Variants in PI4K2B observed in about 807,000 individuals in gnomAD.
PI4K2B encodes phosphatidylinositol 4-kinase type 2-beta.
Under a neutral mutation model 56.6 loss-of-function variants are expected in PI4K2B, and 46 were observed. That is an observed-to-expected ratio of 0.81 (90% CI 0.64 to 1.04). The LOEUF (loss-of-function observed/expected upper bound fraction) is 1.04. PI4K2B is among the 50% of genes least tolerant of loss of function. The pLI, the probability that PI4K2B is intolerant of heterozygous loss-of-function variation, is 0.00. For missense variants in PI4K2B, 556 were observed against 607.7 expected, an observed-to-expected ratio of 0.91 and a Z score of 0.89; for synonymous variants, 211 against 223.8, an observed-to-expected ratio of 0.94 and a Z score of 0.51.
intron 6 of PI4K2B, among the ~76,000 whole-genome samples, chr4:25,262,779 G>C (rs891224155): frequency 6.6e-5 from 10 of 152,148 alleles, no homozygotes; most frequent in African/African-American, 2.4e-4. Context: ...AAAGATAGTT[G>C]AGCTTGATAA....
chr4:25,276,683 G>A (rs1717107300), intron 9 of PI4K2B: 1 of 984,632 alleles, frequency 1.0e-6, no homozygotes, highest in African/African-American at 1.7e-5. Context: ...ATGTTAAATT[G>A]AATATGTATG....
At chr4:25,246,663 ATGGAGCAGAGGG>A (rs1163023352) in intron 1 of PI4K2B, among the ~76,000 whole-genome samples, 1 of 152,200 alleles carries the variant, frequency 6.6e-6, no homozygotes, top group Non-Finnish European at 1.5e-5. Flanking sequence ...ACCAGGCACC[ATGGAGCAGAGGG>A]TGGTGCTTGT....
chr4:25,234,807 C>T (rs1176196840), intron 1 of PI4K2B, among the ~76,000 whole-genome samples: 1 of 152,164 alleles, frequency 6.6e-6, no homozygotes, highest in Non-Finnish European at 1.5e-5. Flanking sequence ...CAGGAAAGTT[C>T]CCGGAGTGGT....
chr4:25,255,398 G>GTGAC (rs1395022232), intron 3 of PI4K2B, 133 bp downstream of exon 3: 1 of 681,818 alleles, frequency 1.5e-6, no homozygotes, highest in Non-Finnish European at 2.5e-6. Context: ...AGAGTCATGA[G>GTGAC]TGACTGGTAA....
chr4:25,271,420 A>G (rs980024745), intron 9 of PI4K2B, among the ~76,000 whole-genome samples: 1 of 152,192 alleles, frequency 6.6e-6, no homozygotes, highest in African/African-American at 2.4e-5. Flanking sequence ...CAGCAAAAAT[A>G]TTTATATCCC....
At chr4:25,268,884 C>CTTT (rs1183209499) in intron 8 of PI4K2B, among the ~76,000 whole-genome samples, 3 of 152,172 alleles carry the variant, frequency 2.0e-5, no homozygotes, top group African/African-American at 7.2e-5. Flanking sequence ...TTTTAGTTCT[C>CTTT]TTAAAAAGCC....
intron 1 of PI4K2B, among the ~76,000 whole-genome samples, chr4:25,241,251 T>C (rs182566225): frequency 6.6e-6 from 1 of 152,378 alleles, no homozygotes; most frequent in East Asian, 1.9e-4. Context: ...CCACTAGTTC[T>C]GCTAACTGGA....
At chr4:25,263,956 G>A in intron 7 of PI4K2B, 107 bp downstream of exon 7, 4 of 576,102 alleles carry the variant, frequency 6.9e-6, no homozygotes. Context: ...GATGAAATAT[G>A]ATTATTCATT....
intron 9 of PI4K2B, among the ~76,000 whole-genome samples, chr4:25,274,858 C>T (rs528575576): frequency 3.9e-5 from 6 of 152,258 alleles, no homozygotes; most frequent in East Asian, 1.9e-4. Context: ...TGCAGTGGCG[C>T]GATCTCAGCT....
rs533544057 is a variant in PI4K2B, at chr4:25,260,610, T to TTATA, written c.978+48_978+51dup. 7.2e-3 allele frequency: 2,220 copies of TTATA among 306,244 alleles called. 18 individuals carry two copies. The highest frequency in any genetic ancestry group is 0.013 in the African/African-American group (508 of 40,180). 19.0% of individuals were successfully genotyped at this position (306,244 alleles called of 1,614,324 possible). On this transcript the variant is annotated intron_variant, in intron 6 of 9. Transcript: ENST00000264864. ...CCATAAGGTAAGGAAATTTACAATT[T>TTATA]TATATATATATATATATATATATAT...
chr4:25,249,413 C>G (rs1275838781), intron 1 of PI4K2B, among the ~76,000 whole-genome samples: 2 of 37,178 alleles, frequency 5.4e-5, no homozygotes, highest in African/African-American at 1.4e-4. Context: ...CTCCACCCCC[C>G]GGACAGGGCG....
chr4:25,248,588 A>G (rs1339222618), intron 1 of PI4K2B, among the ~76,000 whole-genome samples: 3 of 120,842 alleles, frequency 2.5e-5, no homozygotes, highest in African/African-American at 8.6e-5. Flanking sequence ...AAAGAGTGAC[A>G]TGATGTATGG....
At chr4:25,256,790 C>G (rs1403445734) in intron 4 of PI4K2B, 116 bp downstream of exon 4, 3 of 951,502 alleles carry the variant, frequency 3.2e-6, no homozygotes, top group South Asian at 3.3e-5. Context: ...TTTTCATCTT[C>G]CAGGAGCTTA....
At chr4:25,259,342 T>C (rs1716369441) in intron 5 of PI4K2B, 152 bp downstream of exon 5, 1 of 585,304 alleles carries the variant, frequency 1.7e-6, no homozygotes, top group East Asian at 2.8e-5. Context: ...TTGACTCTCC[T>C]GGGCAGAATT....
intron 1 of PI4K2B, among the ~76,000 whole-genome samples, chr4:25,238,176 A>C (rs548422473): frequency 2.0e-5 from 3 of 152,246 alleles, no homozygotes; most frequent in African/African-American, 4.8e-5. Context: ...TGCTTGATGC[A>C]GGCAACCCAC....
Position 25,260,577 on chromosome 4 carries a change from G to T in PI4K2B, c.964G>T (p.Glu322Ter). 7.7e-7 allele frequency: 1 copy of T among 1,295,650 alleles called. No homozygotes were observed. The highest frequency in any genetic ancestry group is 1.8e-5 in the South Asian group (1 of 54,148). 80.3% of individuals were successfully genotyped at this position (1,295,650 alleles called of 1,614,324 possible). A position where few individuals can be genotyped will look rare whatever the true frequency, so the allele number is the denominator to read the frequency against. ...ATACGAAAAGCAGAAATGTGAAAAG[G>T]AAATTGACCATAAGGTAAGGAAATT... The part of the protein sequence containing the change: ...VRYEKQKCEK[E>*]IDHKESKWID... Residue 322 changes from glutamate to a stop codon, truncating the protein, a stop_gained, in exon 6 of 10, where the codon GAA (glutamate) becomes TAA (stop). Coordinates refer to ENST00000264864, the MANE Select transcript of PI4K2B (RefSeq NM_018323.4). LOFTEE classifies it high-confidence loss of function.
intron 1 of PI4K2B, among the ~76,000 whole-genome samples, chr4:25,248,523 G>A (rs889603778): frequency 5.3e-5 from 8 of 151,956 alleles, no homozygotes; most frequent in African/African-American, 1.9e-4. Context: ...GGTCTTGGGG[G>A]TCATAATGAT....
rs764784794 is a variant in PI4K2B, at chr4:25,234,181, G to A, written c.18G>A (p.Glu6=). 8.6e-6 allele frequency: 12 copies of A among 1,401,570 alleles called. No homozygotes were observed. The highest frequency in any genetic ancestry group is 1.6e-5 in the South Asian group (1 of 63,410). The allele number at this position is 1,401,570 out of a possible 1,614,324, so 86.8% of individuals were successfully genotyped here. The change falls in exon 1 of 10, where the codon GAG becomes GAA. Residue 6 remains glutamate (E), a synonymous_variant. Coordinates refer to ENST00000264864, the MANE Select transcript of PI4K2B (RefSeq NM_018323.4). ...GGGAGTCCATGGAGGATCCCTCCGA[G>A]CCCGACCGGTTGGCGTCCGCGGACG... MEDPS[E]PDRLASADGG... is the part of the protein sequence containing the mutation.
chr4:25,263,387 G>A lies in PI4K2B; in HGVS notation c.979-363G>A, dbSNP rs1053513308. 1.3e-3 allele frequency among the ~76,000 whole-genome samples: 205 copies of A among 152,198 alleles called. 3 individuals are homozygous for A. The highest frequency in any genetic ancestry group is 2.1e-4 in the Non-Finnish European group (14 of 68,002). Reference sequence around the variant, plus strand: ...GTCTTAATAAGGTGATTATTAAGGTGTTTAAAAAAATTAGTAATATTTTAC... The same window carrying A: ...GTCTTAATAAGGTGATTATTAAGGTATTTAAAAAAATTAGTAATATTTTAC... On this transcript the variant is annotated intron_variant, in intron 6 of 9. Coordinates refer to ENST00000264864, the MANE Select transcript of PI4K2B (RefSeq NM_018323.4).
Sources: gnomAD v4.1 joint callset for allele counts (sites outside exome capture counted in the v4.1 genomes callset) on GRCh38, gnomAD v4.1.1 for gene constraint, MANE v1.5 for transcripts, NCBI Gene and HGNC (gene_info 2026-07-23, HGNC 2026-07-21) for gene names.